The following SETD2 variants were observed in gnomAD, a reference collection of about 807,000 sequenced individuals.
SETD2 encodes the protein SET domain containing 2, histone lysine methyltransferase.
A neutral mutation model predicts 242.1 loss-of-function variants in SETD2; 31 were observed. That is an observed-to-expected ratio of 0.13 (90% CI 0.10 to 0.17). SETD2 has a LOEUF of 0.17. SETD2 is among the 10% of genes least tolerant of loss of function. The probability of loss-of-function intolerance (pLI) is 1.00; values close to 1 mark genes in which losing one functional copy is unlikely to be tolerated. For missense variants in SETD2, 2,481 were observed against 3,046.3 expected, an observed-to-expected ratio of 0.81 and a Z score of 4.37; for synonymous variants, 1,006 against 1,066.5, an observed-to-expected ratio of 0.94 and a Z score of 1.11.
At chr3:47,092,434 A>AC (rs1225593453) in intron 9 of SETD2, among the ~76,000 whole-genome samples, 1 of 151,648 alleles carries the variant, frequency 6.6e-6, no homozygotes, top group Non-Finnish European at 1.5e-5. Context: ...GAGGTAAGTA[A>AC]CTAAAAGTAA....
rs2106653498 is a variant in SETD2, at chr3:47,121,537, T to A, written c.3099A>T (p.Thr1033=). 6.2e-7 allele frequency: 1 copy of A among 1,614,190 alleles called. No homozygotes were observed. The highest frequency in any genetic ancestry group is 1.1e-5 in the South Asian group (1 of 91,086). ...AAGAGCCAGAATAATCTTCATGAACTGTAGACACAATTTCTGGGGCATGAC... is the reference window on the plus strand; with the variant it reads ...AAGAGCCAGAATAATCTTCATGAACAGTAGACACAATTTCTGGGGCATGAC... ...SSGHAPEIVS[T]VHEDYSGSSE... The change falls in exon 3 of 21, where the codon ACA becomes ACT. Residue 1033 remains threonine (T), a synonymous_variant. Transcript: ENST00000409792.
rs2040155300 is a variant in SETD2, at chr3:47,058,082, G to A, written c.6294-592C>T. ...CCCGATTAAAGAAGGATGAAAATTA[G>A]ACCAAGTCTCACAAAACCAGTTAAG... is the stretch of plus-strand genomic sequence containing the variant. On this transcript the variant is annotated intron_variant, in intron 14 of 20. Transcript: ENST00000409792. Among the ~76,000 whole-genome samples the A allele has an allele frequency of 3.9e-5, 6 of 152,264 alleles. 1 individual carries two copies. In the South Asian group the frequency reaches 1.2e-3, roughly 32 times the overall value.
chr3:47,027,246 G>A (rs1011099398), intron 18 of SETD2, among the ~76,000 whole-genome samples: 1 of 148,494 alleles, frequency 6.7e-6, no homozygotes, highest in Non-Finnish European at 1.5e-5. Context: ...GCTGAGGCAG[G>A]AGAATGGCAT....
chr3:47,051,227 C>A (rs951382108), intron 15 of SETD2, among the ~76,000 whole-genome samples: 5 of 152,092 alleles, frequency 3.3e-5, no homozygotes, highest in African/African-American at 1.2e-4. Flanking sequence ...GCCTCAGCCT[C>A]CCGAGTAGCT....
At chr3:47,055,611 T>G (rs1410402531) in intron 15 of SETD2, among the ~76,000 whole-genome samples, 3 of 152,030 alleles carry the variant, frequency 2.0e-5, no homozygotes, top group Non-Finnish European at 1.5e-5. Context: ...GAAGATCACT[T>G]GAGCCCAGGA....
rs1559678521 is a variant in SETD2 at position 47,062,363 on chromosome 3, G to A, written c.6110-17C>T. The A allele has an allele frequency of 6.7e-7, 1 of 1,481,874 alleles. No individual in the cohort carries two copies. Among genetic ancestry groups the A allele is most frequent in the East Asian group, 2.5e-5 (1 of 40,696 alleles). 91.8% of individuals were successfully genotyped at this position (1,481,874 alleles called of 1,614,324 possible). ...GTTCAGTTGCTAAGGGAAAAGGGTGGTTTGTTTGTTTTTTTTTTTTTTAAG... is the reference window on the plus strand; with the variant it reads ...GTTCAGTTGCTAAGGGAAAAGGGTGATTTGTTTGTTTTTTTTTTTTTTAAG... On this transcript the variant is annotated splice_polypyrimidine_tract_variant and intron_variant, in intron 13 of 20. Coordinates refer to ENST00000409792, the MANE Select transcript of SETD2 (RefSeq NM_014159.7).
At chr3:47,130,858 A>C (rs758894317) in intron 1 of SETD2, among the ~76,000 whole-genome samples, 18 of 152,202 alleles carry the variant, frequency 1.2e-4, no homozygotes, top group African/African-American at 3.9e-4. Flanking sequence ...ATGGAATTAT[A>C]TATTTAAAGA....
chr3:47,055,024 A>G (rs1252433560), intron 15 of SETD2, among the ~76,000 whole-genome samples: 3 of 152,180 alleles, frequency 2.0e-5, no homozygotes, highest in African/African-American at 4.8e-5. Context: ...CCTCTTAAAT[A>G]AAGTCTGACT....
intron 1 of SETD2, among the ~76,000 whole-genome samples, chr3:47,154,967 C>T (rs1187816002): frequency 6.6e-6 from 1 of 151,616 alleles, no homozygotes; most frequent in African/African-American, 2.4e-5. Flanking sequence ...GCACTCCAGC[C>T]TGGGCGACAG....
intron 8 of SETD2, among the ~76,000 whole-genome samples, chr3:47,101,166 G>A (rs182484775): frequency 1.3e-5 from 2 of 152,044 alleles, no homozygotes; most frequent in East Asian, 3.9e-4. Context: ...ATTCTCTTCA[G>A]ACACAAAAAG....
At chr3:47,096,229 G>A (rs2042000918) in intron 9 of SETD2, among the ~76,000 whole-genome samples, 1 of 152,146 alleles carries the variant, frequency 6.6e-6, no homozygotes, top group South Asian at 2.1e-4. Flanking sequence ...TGCTGGATTG[G>A]AGCTTATTTC....
rs548968880 is a variant in SETD2 at position 47,142,631 on chromosome 3, G to C, written c.72-15968C>G. The stretch of plus-strand genomic sequence containing the variant: ...TAAATTTAGTATGCTACTTCGTGGT[G>C]GGGGGAGGTGGGGAAGGGGAATACC... On this transcript the variant is annotated intron_variant, in intron 1 of 20. Transcript: ENST00000409792. Among the ~76,000 whole-genome samples, 6 of 151,914 alleles carry C rather than the reference G, an allele frequency of 3.9e-5. No individual in the cohort carries two copies. In the South Asian group the frequency reaches 1.3e-3, roughly 32 times the overall value.
intron 19 of SETD2, among the ~76,000 whole-genome samples, chr3:47,019,089 C>T (rs1476627415): frequency 6.6e-6 from 1 of 152,202 alleles, no homozygotes; most frequent in Non-Finnish European, 1.5e-5. Flanking sequence ...AACCTAGATG[C>T]TATGAAGCAG....
At chr3:47,033,733 C>T (rs1045045039) in intron 18 of SETD2, among the ~76,000 whole-genome samples, 1 of 128,550 alleles carries the variant, frequency 7.8e-6, no homozygotes, top group Non-Finnish European at 1.6e-5. Flanking sequence ...GCAATCTTGG[C>T]TCACTGCAAC....
chr3:47,067,402 GCA>G (rs2040603452), intron 12 of SETD2, among the ~76,000 whole-genome samples: 1 of 141,996 alleles, frequency 7.0e-6, no homozygotes, highest in Non-Finnish European at 1.5e-5. Context: ...CGCTTCCTGA[GCA>G]TCTTTTTTTT....
intron 1 of SETD2, among the ~76,000 whole-genome samples, chr3:47,146,003 G>A (rs751082436): frequency 9.6e-4 from 107 of 111,030 alleles, no homozygotes; most frequent in Non-Finnish European, 1.1e-3. Context: ...GTGACAGAGC[G>A]AGACCCTGTC....
intron 13 of SETD2, among the ~76,000 whole-genome samples, chr3:47,063,131 A>G (rs569968550): frequency 6.6e-6 from 1 of 152,296 alleles, no homozygotes; most frequent in Admixed American, 6.5e-5. Flanking sequence ...GGCTGGTTTC[A>G]TATCTTATGA....
rs1559634187 is a variant in SETD2 at position 47,017,470 on chromosome 3, T to C, written c.7533+168A>G. ...ATTTCTTAGAGAACTACTGCTGTCA[T>C]GTAAGGTACGCATCCCTCCCCAAAC... On this transcript the variant is annotated intron_variant, in intron 20 of 20. Transcript: ENST00000409792. This position sits in a 1 kb window ranked among gnomAD's most constrained non-coding sequence, Gnocchi z 4.8. 1.3e-5 allele frequency among the ~76,000 whole-genome samples: 2 copies of C among 151,992 alleles called. No homozygotes were observed. The highest frequency in any genetic ancestry group is 2.4e-5 in the African/African-American group (1 of 41,356).
At chr3:47,020,983 A>G (rs2038192591) in intron 18 of SETD2, among the ~76,000 whole-genome samples, 1 of 152,174 alleles carries the variant, frequency 6.6e-6, no homozygotes, top group African/African-American at 2.4e-5. Flanking sequence ...CAATTTCTTC[A>G]TGTAGCTGTA....
Sources: gnomAD v4.1 joint callset for allele counts (sites outside exome capture counted in the v4.1 genomes callset) on GRCh38, gnomAD v4.1.1 for gene constraint, Gnocchi (gnomAD v3.1) non-coding constraint, MANE v1.5 for transcripts, NCBI Gene and HGNC (gene_info 2026-07-23, HGNC 2026-07-21) for gene names.